Variants in UGT2A1 observed in about 807,000 individuals in gnomAD.
UGT2A1 encodes the protein UDP-glucuronosyltransferase 2A1.
A neutral mutation model predicts 45.4 loss-of-function variants in UGT2A1; 61 were observed. The ratio of observed to expected loss-of-function variants is 1.34; its 90% CI spans 1.09 to 1.66. The LOEUF (loss-of-function observed/expected upper bound fraction) is 1.66. Among genes scored for constraint, UGT2A1 ranks in the 40% most tolerant of loss-of-function variants. The pLI, the probability that UGT2A1 is intolerant of heterozygous loss-of-function variation, is 0.00. For synonymous variants in UGT2A1, 229 were observed against 196.2 expected, an observed-to-expected ratio of 1.17 and a Z score of -1.40; for missense variants, 649 against 574.3, an observed-to-expected ratio of 1.13 and a Z score of -1.33.
intron 3 of UGT2A1, among the ~76,000 whole-genome samples, chr4:69,618,705 G>T (rs1720559308): frequency 6.6e-6 from 1 of 151,818 alleles, no homozygotes; most frequent in Admixed American, 6.6e-5. Context: ...GTAATTCTAA[G>T]TTCAATCAAT....
chr4:69,647,263 C>T lies in UGT2A1; in HGVS notation c.382G>A (p.Gly128Ser). ...FHMVSQEICD[G>S]VLKNQQLMAK... ...ATCAGCTGTTGGTTTTTAAGAACGC[C>T]ATCACAGATCTCCTGAGACACCATG... Residue 128 changes from glycine (G) to serine (S), a missense_variant, in exon 2 of 7, where the codon GGC becomes AGC. By Grantham distance (56) the Gly-to-Ser change is moderately conservative (BLOSUM62 0). Coordinates refer to ENST00000286604, the MANE Select transcript of UGT2A1 (RefSeq NM_001252275.3). 1 of 1,613,338 alleles carries T rather than the reference C, an allele frequency of 6.2e-7. No individual in the cohort carries two copies. The highest frequency in any genetic ancestry group is 8.5e-7 in the Non-Finnish European group (1 of 1,179,514).
chr4:69,595,274 T>TG, intron 4 of UGT2A1, 25 bp from the exon 5 acceptor site: 1 of 1,611,806 alleles, frequency 6.2e-7, no homozygotes, highest in South Asian at 1.1e-5. Flanking sequence ...GCTTTAATTT[T>TG]GCAAGGAAAA....
At chr4:69,633,646 C>G (rs1252772321) in intron 3 of UGT2A1, among the ~76,000 whole-genome samples, 1 of 152,152 alleles carries the variant, frequency 6.6e-6, no homozygotes, top group Non-Finnish European at 1.5e-5. Context: ...CATGCAACAA[C>G]TTGTACGAAT....
At position 69,599,386 on chromosome 4, in the gene UGT2A1, T is replaced by C. The variant is rs767311039; in HGVS notation, c.856A>G (p.Thr286Ala). Residue 286 changes from threonine (T) to alanine (A), a missense_variant, in exon 4 of 7, where the codon ACT (threonine) becomes GCT (alanine). Physicochemically the swap from Thr to Ala is moderately conservative, Grantham distance 58. Transcript: ENST00000286604. ...TTCCCCATAGTCTCACATAACGTAG[T>C]GGGTCTTCCTGGAGAAAATGTAACA... is the stretch of plus-strand genomic sequence containing the variant. ...WDYRLPAGRP[T>A]TLCETMGKAE... 67 of 1,612,630 alleles carry C rather than the reference T, an allele frequency of 4.2e-5. No individual in the cohort carries two copies. The highest frequency in any genetic ancestry group is 5.4e-5 in the Non-Finnish European group (64 of 1,179,636).
intron 3 of UGT2A1, among the ~76,000 whole-genome samples, chr4:69,608,470 A>T (rs1719818124): frequency 6.6e-6 from 1 of 152,054 alleles, no homozygotes. Flanking sequence ...ACCTAATGTT[A>T]AATGATGAGT....
chr4:69,627,249 T>G (rs958997210), intron 3 of UGT2A1, among the ~76,000 whole-genome samples: 9 of 151,764 alleles, frequency 5.9e-5, no homozygotes, highest in African/African-American at 2.2e-4. Flanking sequence ...TGAAATTTGT[T>G]TTGGAATTAC....
intron 3 of UGT2A1, among the ~76,000 whole-genome samples, chr4:69,621,707 T>C (rs2109937364): frequency 6.6e-6 from 1 of 152,018 alleles, no homozygotes; most frequent in African/African-American, 2.4e-5. Flanking sequence ...CATGTGAATG[T>C]TCATTTCAGC....
At chr4:69,629,176 T>A (rs1321807503) in intron 3 of UGT2A1, among the ~76,000 whole-genome samples, 1 of 151,914 alleles carries the variant, frequency 6.6e-6, no homozygotes, top group African/African-American at 2.4e-5. Context: ...TCTGAGCTAC[T>A]ACAAATGATG....
At chr4:69,618,939 C>A (rs905034108) in intron 3 of UGT2A1, among the ~76,000 whole-genome samples, 3 of 151,568 alleles carry the variant, frequency 2.0e-5, no homozygotes, top group Admixed American at 2.0e-4. Context: ...AGGATCAAGA[C>A]AAAGATGTTG....
intron 3 of UGT2A1, among the ~76,000 whole-genome samples, chr4:69,633,983 C>A (rs750036957): frequency 6.6e-6 from 1 of 152,106 alleles, no homozygotes; most frequent in Non-Finnish European, 1.5e-5. Flanking sequence ...CGGTGGCTCA[C>A]GCCTGTAATC....
Position 69,647,979 on chromosome 4 carries a change from T to C in UGT2A1, c.-54-281A>G, listed in dbSNP as rs114140702. 3.7e-3 allele frequency among the ~76,000 whole-genome samples: 560 copies of C among 151,948 alleles called. 5 individuals carry two copies. The highest frequency in any genetic ancestry group is 0.012 in the African/African-American group (510 of 41,548). ...GTTACATTTTTACTATTAAATTGGA[T>C]AAAGCTTCTGTACATCTCAACTCTA... On this transcript the variant is annotated intron_variant, in intron 1 of 6. Transcript: ENST00000286604.
chr4:69,647,641 A>G lies in UGT2A1; in HGVS notation c.4T>C (p.Leu2=). 1 of 1,559,264 alleles carries G rather than the reference A, an allele frequency of 6.4e-7. No individual in the cohort carries two copies. Among genetic ancestry groups the G allele is most frequent in the Non-Finnish European group, 8.7e-7 (1 of 1,153,770 alleles). Residue 2 remains leucine, a synonymous_variant, in exon 2 of 7, where the codon TTA becomes CTA. Transcript: ENST00000286604. The stretch of plus-strand genomic sequence containing the variant: ...AGGGAGAACAGCAGAAGGTTGTTTA[A>G]CATGATGTGGCTTGATGCAGAAGAT... M[L]NNLLLFSLQI...
intron 2 of UGT2A1, among the ~76,000 whole-genome samples, chr4:69,645,892 T>A (rs1036148235): frequency 6.6e-6 from 1 of 151,770 alleles, no homozygotes; most frequent in African/African-American, 2.4e-5. Context: ...ACCTGTGCTG[T>A]TTTGTCTTCA....
intron 2 of UGT2A1, among the ~76,000 whole-genome samples, chr4:69,641,953 T>G (rs1368479308): frequency 6.6e-6 from 1 of 151,726 alleles, no homozygotes; most frequent in African/African-American, 2.4e-5. Flanking sequence ...CCTTCTCTAC[T>G]CTTTCCCTCC....
intron 3 of UGT2A1, among the ~76,000 whole-genome samples, chr4:69,615,840 A>G: frequency 6.6e-6 from 1 of 151,096 alleles, no homozygotes; most frequent in Non-Finnish European, 1.5e-5. Context: ...CACTATGGAG[A>G]AGAGTGTGGA....
At chr4:69,600,631 T>TA (rs1375118385) in intron 3 of UGT2A1, among the ~76,000 whole-genome samples, 1 of 152,090 alleles carries the variant, frequency 6.6e-6, no homozygotes, top group African/African-American at 2.4e-5. Context: ...TTTATTTTTT[T>TA]AAAAAGAGGT....
chr4:69,635,661 C>A, intron 3 of UGT2A1, 30 bp downstream of exon 3: 1 of 228,872 alleles, frequency 4.4e-6, no homozygotes, highest in Non-Finnish European at 9.0e-6. Context: ...GAAACCTCGT[C>A]TCTATTAAAA....
Position 69,643,710 on chromosome 4 carries a change from T to C in UGT2A1, c.715+3220A>G, listed in dbSNP as rs530011007. 6.6e-5 allele frequency among the ~76,000 whole-genome samples: 10 copies of C among 151,804 alleles called. No individual in the cohort carries two copies. The South Asian group carries it at 2.1e-3, about 32-fold the overall frequency. On this transcript the variant is annotated intron_variant, in intron 2 of 6. Coordinates refer to ENST00000286604, the MANE Select transcript of UGT2A1 (RefSeq NM_001252275.3). ...AGATTAAGGACTCACTCTGACCTTC[T>C]TATTGCATTCCACTGCAGAGAAGTA...
intron 3 of UGT2A1, among the ~76,000 whole-genome samples, chr4:69,627,361 T>C (rs17674511): frequency 0.35 from 53,119 of 151,384 alleles, 9,687 homozygotes; most frequent in African/African-American, 0.43. Context: ...TAGACTCATA[T>C]CACATACTAC....
Sources: gnomAD v4.1 joint callset for allele counts (sites outside exome capture counted in the v4.1 genomes callset) on GRCh38, gnomAD v4.1.1 for gene constraint, MANE v1.5 for transcripts, NCBI Gene and HGNC (gene_info 2026-07-23, HGNC 2026-07-21) for gene names.